Variants in UBXN2A observed in about 807,000 individuals in gnomAD.
The protein encoded by UBXN2A is UBX domain protein 2A.
In UBXN2A, 28 loss-of-function variants were observed where a neutral mutation model predicts 28.4. The observed-to-expected ratio is 0.99, with a 90% CI of 0.73 to 1.35. The LOEUF is 1.35. Among genes scored for constraint, UBXN2A ranks in the 40% most tolerant of loss-of-function variants. The pLI, the probability that UBXN2A is intolerant of heterozygous loss-of-function variation, is 0.00. For missense variants in UBXN2A, 253 were observed against 297.9 expected, an observed-to-expected ratio of 0.85 and a Z score of 1.11; for synonymous variants, 97 against 103.6, an observed-to-expected ratio of 0.94 and a Z score of 0.39.
At chr2:23,981,213 A>G (rs1707879554) in intron 4 of UBXN2A, among the ~76,000 whole-genome samples, 1 of 151,494 alleles carries the variant, frequency 6.6e-6, no homozygotes, top group African/African-American at 2.4e-5. Flanking sequence ...TAATGCCTGT[A>G]ATCTCAACAC....
intron 6 of UBXN2A, among the ~76,000 whole-genome samples, chr2:23,991,264 G>C (rs1453127523): frequency 6.6e-6 from 1 of 152,110 alleles, no homozygotes; most frequent in East Asian, 1.9e-4. Context: ...GTCCAGCAGA[G>C]ATGAAATTGT....
chr2:23,934,671 G>C (rs749518073), intron 1 of UBXN2A, among the ~76,000 whole-genome samples: 1 of 152,144 alleles, frequency 6.6e-6, no homozygotes, highest in Non-Finnish European at 1.5e-5. Context: ...AAATTACTCA[G>C]TCTGTACACT....
intron 2 of UBXN2A, among the ~76,000 whole-genome samples, chr2:23,969,293 T>C (rs1209980777): frequency 6.6e-6 from 1 of 152,162 alleles, no homozygotes; most frequent in African/African-American, 2.4e-5. Flanking sequence ...TGCCAGTACT[T>C]TGGGAAACAG....
chr2:23,997,328 A>C (rs1413947615), intron 6 of UBXN2A, among the ~76,000 whole-genome samples: 2 of 152,090 alleles, frequency 1.3e-5, no homozygotes, highest in African/African-American at 4.8e-5. Flanking sequence ...CATTGGATTT[A>C]TTTTCTTCTT....
intron 3 of UBXN2A, among the ~76,000 whole-genome samples, chr2:23,974,339 A>AACCAACTTTTTTTTTTTTTATTTT (rs1707559582): frequency 6.9e-6 from 1 of 144,324 alleles, no homozygotes; most frequent in African/African-American, 2.6e-5. Flanking sequence ...ATTTTTATTT[A>AACCAACTTTTTTTTTTTTTATTTT]ACCAACTTTT....
chr2:23,928,744 A>G (rs1233476963), intron 1 of UBXN2A, among the ~76,000 whole-genome samples: 1 of 152,174 alleles, frequency 6.6e-6, no homozygotes, highest in Admixed American at 6.5e-5. Flanking sequence ...TAAGCTCCCA[A>G]TCATTCCAAA....
chr2:23,963,559 A>G (rs982950549), intron 2 of UBXN2A, among the ~76,000 whole-genome samples: 6 of 152,090 alleles, frequency 3.9e-5, no homozygotes, highest in African/African-American at 1.4e-4. Flanking sequence ...GTTCAGTGTC[A>G]CTAGTAATCA....
chr2:23,965,952 T>A (rs1707142929), intron 2 of UBXN2A, among the ~76,000 whole-genome samples: 1 of 152,138 alleles, frequency 6.6e-6, no homozygotes, highest in African/African-American at 2.4e-5. Flanking sequence ...GGGTGCCTTA[T>A]AATAAATTGG....
intron 1 of UBXN2A, among the ~76,000 whole-genome samples, chr2:23,956,498 G>A (rs113950355): frequency 5.3e-5 from 8 of 151,944 alleles, no homozygotes; most frequent in East Asian, 1.9e-4. Flanking sequence ...GATTACTTGC[G>A]CCGACCACCA....
chr2:24,002,765 G>C lies in UBXN2A; in HGVS notation c.*2898G>C, dbSNP rs914991523. On this transcript the variant is annotated 3_prime_UTR_variant, in exon 7 of 7. Transcript: ENST00000309033. ...AGTGAGAAAAGTGGCCGGTTTTTTG[G>C]GGGGAATTACTTTCTGTCATAAAGA... is the stretch of plus-strand genomic sequence containing the variant. 6.6e-6 allele frequency: 1 copy of C among 152,130 alleles called. No homozygotes were observed. Among genetic ancestry groups the C allele is most frequent in the African/African-American group, 2.4e-5 (1 of 41,406 alleles). 9.4% of individuals were successfully genotyped at this position (152,130 alleles called of 1,614,324 possible).
intron 3 of UBXN2A, among the ~76,000 whole-genome samples, chr2:23,973,926 GGCCCT>G (rs547149525): frequency 1.3e-5 from 2 of 152,020 alleles, no homozygotes; most frequent in East Asian, 3.9e-4. Context: ...CACCGTGCCC[GGCCCT>G]GCCTGGTAGA....
intron 6 of UBXN2A, among the ~76,000 whole-genome samples, chr2:23,986,729 T>G (rs1215867018): frequency 1.3e-5 from 2 of 151,568 alleles, no homozygotes; most frequent in Non-Finnish European, 2.9e-5. Context: ...TGCCTCAGCC[T>G]CCTGAGTAGC....
At chr2:23,989,968 A>G (rs1708291699) in intron 6 of UBXN2A, among the ~76,000 whole-genome samples, 1 of 152,164 alleles carries the variant, frequency 6.6e-6, no homozygotes, top group Non-Finnish European at 1.5e-5. Flanking sequence ...TAACTTCTAC[A>G]GTGCAAGGCC....
upstream of UBXN2A, among the ~76,000 whole-genome samples, chr2:23,937,342 C>T (rs1171274631): frequency 2.6e-5 from 4 of 152,028 alleles, no homozygotes; most frequent in South Asian, 2.1e-4. Context: ...GCCAGGGGTT[C>T]GAGACCAGCC....
chr2:23,950,875 C>T (rs1455028919), intron 1 of UBXN2A, among the ~76,000 whole-genome samples: 5 of 151,800 alleles, frequency 3.3e-5, no homozygotes, highest in Admixed American at 6.6e-5. Flanking sequence ...ATGCGTGGTT[C>T]GCCGTGTTGG....
intron 5 of UBXN2A, among the ~76,000 whole-genome samples, chr2:23,983,684 T>C (rs1283588989): frequency 6.6e-6 from 1 of 152,134 alleles, no homozygotes; most frequent in Non-Finnish European, 1.5e-5. Context: ...ATTATTGTTC[T>C]CTTTTTTTTG....
rs1705094360 is a variant in UBXN2A at position 23,927,616 on chromosome 2, G to GC, written c.-138+1_-138+2insC. 1 of 127,336 alleles carries GC rather than the reference G, an allele frequency of 7.9e-6. No homozygotes were observed. Among genetic ancestry groups the GC allele is most frequent in the Non-Finnish European group, 1.6e-5 (1 of 60,612 alleles). The allele number at this position is 127,336 out of a possible 1,614,324, so 7.9% of individuals were successfully genotyped here. On this transcript the variant is annotated splice_donor_variant, in intron 1 of 7. Coordinates refer to the UBXN2A transcript ENST00000404924. LOFTEE classifies it low-confidence loss of function (5UTR_SPLICE). ...TCATCTGGGCGGTATCTGGAACTTG[G>GC]TAAGCTTAAGAAGAGAAGGGGGGGG... is the stretch of plus-strand genomic sequence containing the variant.
intron 6 of UBXN2A, among the ~76,000 whole-genome samples, chr2:23,985,222 G>A (rs1010551753): frequency 2.0e-5 from 3 of 152,048 alleles, no homozygotes; most frequent in African/African-American, 7.2e-5. Flanking sequence ...ACAGGCATGA[G>A]CCATCGCATC....
At chr2:23,946,465 C>T (rs1573537066) in intron 1 of UBXN2A, among the ~76,000 whole-genome samples, 2 of 151,816 alleles carry the variant, frequency 1.3e-5, no homozygotes, top group Non-Finnish European at 2.9e-5. Flanking sequence ...GGACTATAGG[C>T]GCACGCCACT....
Sources: gnomAD v4.1 joint callset for allele counts (sites outside exome capture counted in the v4.1 genomes callset) on GRCh38, gnomAD v4.1.1 for gene constraint, MANE v1.5 for transcripts, NCBI Gene and HGNC (gene_info 2026-07-23, HGNC 2026-07-21) for gene names.